CD300LF: variants seen among roughly 807,000 people sequenced by gnomAD.
The protein encoded by CD300LF is CMRF35-like molecule 1.
A neutral mutation model predicts 32.2 loss-of-function variants in CD300LF; 27 were observed. The ratio of observed to expected loss-of-function variants is 0.84; its 90% CI spans 0.62 to 1.15. The LOEUF is 1.15. CD300LF is among the 50% of genes most tolerant of loss of function. The probability of loss-of-function intolerance (pLI) is 0.00; values close to 1 mark genes in which losing one functional copy is unlikely to be tolerated. For synonymous variants in CD300LF, 139 were observed against 143.2 expected (o/e 0.97, Z 0.21); for missense variants, 348 against 356.8 (o/e 0.98, Z 0.20).
At chr17:74,712,327 C>T (rs946496273) in intron 1 of CD300LF, among the ~76,000 whole-genome samples, 2 of 152,126 alleles carry the variant, frequency 1.3e-5, no homozygotes, top group African/African-American at 2.4e-5. Flanking sequence ...TTGACCTTTC[C>T]GTCCCTCAGC....
intron 3 of CD300LF, 108 bp from the exon 4 acceptor site, chr17:74,698,589 G>T: frequency 6.6e-7 from 1 of 1,512,574 alleles, no homozygotes. Flanking sequence ...ATGAGCTGCA[G>T]GTCTGTAGTT....
intron 6 of CD300LF, 64 bp downstream of exon 6, chr17:74,695,661 G>T: frequency 6.2e-7 from 1 of 1,609,712 alleles, no homozygotes; most frequent in East Asian, 2.2e-5. Flanking sequence ...CCCTCCAACG[G>T]GGTGCAACGG....
chr17:74,696,366 G>A (rs1290189759), intron 4 of CD300LF, 149 bp from the exon 5 acceptor site: 1 of 765,334 alleles, frequency 1.3e-6, no homozygotes, highest in Non-Finnish European at 2.0e-6. Context: ...TGATTCCTCA[G>A]ATGACACAGT....
chr17:74,708,742 CT>C (rs1178140280), intron 1 of CD300LF, among the ~76,000 whole-genome samples: 3 of 152,074 alleles, frequency 2.0e-5, no homozygotes, highest in Admixed American at 6.6e-5. Context: ...CGGTGAAACC[CT>C]GTCTCTACTA....
At chr17:74,699,799 CG>C (rs1375157189) in intron 3 of CD300LF, among the ~76,000 whole-genome samples, 1 of 152,010 alleles carries the variant, frequency 6.6e-6, no homozygotes, top group African/African-American at 2.4e-5. Context: ...CCACAGCAGC[CG>C]GGGGGCCTGT....
Position 74,697,223 on chromosome 17 carries a change from C to T in CD300LF, c.560-1006G>A, listed in dbSNP as rs966009532. On this transcript the variant is annotated intron_variant, in intron 4 of 6. Coordinates refer to ENST00000326165, the MANE Select transcript of CD300LF (RefSeq NM_139018.5). ...CCTCCCTAAGTGCGGAGATTATAGG[C>T]ATGAGCCACGACACCCAGAGATTGG... Among the ~76,000 whole-genome samples the T allele has an allele frequency of 1.3e-5, 2 of 152,282 alleles. 1 individual carries two copies.
At chr17:74,698,717 T>G (rs1159377516) in intron 3 of CD300LF, 1 of 1,012,702 alleles carries the variant, frequency 9.9e-7, no homozygotes, top group Non-Finnish European at 1.4e-6. Flanking sequence ...GGATGGAGGG[T>G]GGGAGGAAGC....
intron 1 of CD300LF, among the ~76,000 whole-genome samples, chr17:74,709,817 C>T (rs768684133): frequency 1.3e-5 from 2 of 152,156 alleles, no homozygotes; most frequent in Non-Finnish European, 2.9e-5. Flanking sequence ...AACCGATCTG[C>T]CTGCCTTAGC....
At chr17:74,697,535 C>G (rs1479157067) in intron 4 of CD300LF, among the ~76,000 whole-genome samples, 1 of 152,204 alleles carries the variant, frequency 6.6e-6, no homozygotes, top group Non-Finnish European at 1.5e-5. Context: ...CCCCTCTTCC[C>G]AGGCGAAAGA....
Position 74,705,441 on chromosome 17 carries a change from A to G in CD300LF, c.44-625T>C, listed in dbSNP as rs1250769747. Reference sequence around the variant, plus strand: ...TGAATTGCTTTGACCCCTTTGTCAAATTGCAAATTTGTGGATTTCCCATTC... The same window carrying G: ...TGAATTGCTTTGACCCCTTTGTCAAGTTGCAAATTTGTGGATTTCCCATTC... On this transcript the variant is annotated intron_variant, in intron 1 of 6. Transcript: ENST00000326165. 6 of 507,646 alleles carry G rather than the reference A, an allele frequency of 1.2e-5. No individual in the cohort carries two copies. In the East Asian group the frequency reaches 1.7e-4, roughly 15 times the overall value. 31.4% of individuals were successfully genotyped at this position (507,646 alleles called of 1,614,324 possible). A position where few individuals can be genotyped will look rare whatever the true frequency, so the allele number is the denominator to read the frequency against.
rs759949596 is a variant in CD300LF, at chr17:74,695,187, G to T, written c.782C>A (p.Pro261Gln). ...GAGGTGGCCCATGTTGCAGTAGGTCGGTTCCTGATCCTCAGCACCCAAGGT... is the reference window on the plus strand; with the variant it reads ...GAGGTGGCCCATGTTGCAGTAGGTCTGTTCCTGATCCTCAGCACCCAAGGT... ...SLTLGAEDQE[P>Q]TYCNMGHLSS... Residue 261 changes from proline (P) to glutamine (Q), a missense_variant, in exon 7 of 7, where the codon CCG (proline) becomes CAG (glutamine). Transcript: ENST00000326165. 1.9e-6 allele frequency: 3 copies of T among 1,614,098 alleles called. No homozygotes were observed. Among genetic ancestry groups the T allele is most frequent in the Non-Finnish European group, 2.5e-6 (3 of 1,179,998 alleles).
chr17:74,701,077 C>T (rs550563060), intron 3 of CD300LF, among the ~76,000 whole-genome samples: 4 of 152,188 alleles, frequency 2.6e-5, no homozygotes, highest in African/African-American at 7.2e-5. Flanking sequence ...TGATCTCAGA[C>T]TTTTAGCCTC....
intron 1 of CD300LF, among the ~76,000 whole-genome samples, chr17:74,705,706 C>T (rs1053565595): frequency 7.2e-5 from 11 of 152,216 alleles, no homozygotes; most frequent in African/African-American, 2.6e-4. Flanking sequence ...TTGATCCTCC[C>T]ACTTCAGCCT....
chr17:74,699,977 C>A (rs1012298172), intron 3 of CD300LF, among the ~76,000 whole-genome samples: 1 of 151,686 alleles, frequency 6.6e-6, no homozygotes, highest in African/African-American at 2.4e-5. Context: ...TCCGTCTCTA[C>A]CAAAAAATAC....
At chr17:74,702,379 GTTTCTTCTTCT>G (rs2033131547) in intron 3 of CD300LF, among the ~76,000 whole-genome samples, 2 of 152,272 alleles carry the variant, frequency 1.3e-5, no homozygotes, top group South Asian at 4.1e-4. Context: ...CTGAGGCTCA[GTTTCTTCTTCT>G]GTAAAATGGG....
intron 3 of CD300LF, among the ~76,000 whole-genome samples, chr17:74,700,898 T>C (rs998459355): frequency 1.3e-5 from 2 of 151,864 alleles, no homozygotes; most frequent in Admixed American, 6.6e-5. Flanking sequence ...AAAGAGGTGA[T>C]TGAGGTTAAG....
At chr17:74,708,033 A>G (rs1434233516) in intron 1 of CD300LF, among the ~76,000 whole-genome samples, 2 of 151,938 alleles carry the variant, frequency 1.3e-5, no homozygotes, top group Admixed American at 6.6e-5. Context: ...CTGTAGCCCC[A>G]GCCACTTGGG....
intron 1 of CD300LF, chr17:74,705,258 G>A (rs1422054603): frequency 1.4e-6 from 1 of 701,868 alleles, no homozygotes; most frequent in Non-Finnish European, 2.6e-6. Flanking sequence ...AGCCACATCA[G>A]ATGGCTGTGG....
At chr17:74,699,997 C>G (rs933777701) in intron 3 of CD300LF, among the ~76,000 whole-genome samples, 11 of 151,866 alleles carry the variant, frequency 7.2e-5, no homozygotes, top group African/African-American at 1.9e-4. Flanking sequence ...CAAAAATTAG[C>G]TGGGTGGGGT....
Sources: gnomAD v4.1 joint callset for allele counts (sites outside exome capture counted in the v4.1 genomes callset) on GRCh38, gnomAD v4.1.1 for gene constraint, MANE v1.5 for transcripts, NCBI Gene and HGNC (gene_info 2026-07-23, HGNC 2026-07-21) for gene names.